Variants in EEF2K observed in about 807,000 individuals in gnomAD.
EEF2K encodes alternative protein EEF2K.
A neutral mutation model predicts 93.8 loss-of-function variants in EEF2K; 70 were observed. The ratio of observed to expected loss-of-function variants is 0.75; its 90% CI spans 0.62 to 0.91. The LOEUF is 0.91. Among genes scored for constraint, EEF2K ranks in the 40% least tolerant of loss-of-function variants. EEF2K has a pLI of 0.00. For synonymous variants in EEF2K, 376 were observed against 380.8 expected (o/e 0.99, Z 0.15); for missense variants, 935 against 972.9 (o/e 0.96, Z 0.52).
At chr16:22,271,069 A>T (rs2047576704) in intron 15 of EEF2K, among the ~76,000 whole-genome samples, 1 of 150,888 alleles carries the variant, frequency 6.6e-6, no homozygotes, top group Admixed American at 6.6e-5. Flanking sequence ...TCCCAGGTTC[A>T]AACGATTCTC....
At position 22,284,324 on chromosome 16, in the gene EEF2K, A is replaced by G. The variant is rs1468243503; in HGVS notation, c.*328A>G. On this transcript the variant is annotated 3_prime_UTR_variant, in exon 18 of 18. Transcript: ENST00000263026. Reference sequence around the variant, plus strand: ...GAGACAGAGTCTTGCTCTGTCACCCAGGCTGGAGTGCAGTGACATGATCTT... The same window carrying G: ...GAGACAGAGTCTTGCTCTGTCACCCGGGCTGGAGTGCAGTGACATGATCTT... 7.3e-6 allele frequency: 2 copies of G among 274,000 alleles called. No homozygotes were observed. Among genetic ancestry groups the G allele is most frequent in the Non-Finnish European group, 1.4e-5 (2 of 138,948 alleles). 17.0% of individuals were successfully genotyped at this position (274,000 alleles called of 1,614,324 possible).
At chr16:22,267,016 C>T in intron 15 of EEF2K, 140 bp downstream of exon 15, 4 of 1,094,810 alleles carry the variant, frequency 3.7e-6, no homozygotes, top group South Asian at 1.7e-5. Flanking sequence ...ATGTCCCAGG[C>T]ACTGGTTTGG....
intron 16 of EEF2K, among the ~76,000 whole-genome samples, chr16:22,275,765 C>T (rs2047628415): frequency 6.6e-6 from 1 of 151,586 alleles, no homozygotes; most frequent in Admixed American, 6.6e-5. Context: ...CTCAGCCTCC[C>T]CAGTAGCTGG....
At chr16:22,239,298 C>T (rs1375004669) in intron 2 of EEF2K, among the ~76,000 whole-genome samples, 4 of 152,100 alleles carry the variant, frequency 2.6e-5, no homozygotes, top group Non-Finnish European at 4.4e-5. Context: ...TGAATGGGGA[C>T]GGTCCCTGTT....
At chr16:22,217,022 A>G (rs1236460381) in intron 1 of EEF2K, among the ~76,000 whole-genome samples, 1 of 151,604 alleles carries the variant, frequency 6.6e-6, no homozygotes, top group African/African-American at 2.4e-5. Flanking sequence ...TTAGCTGGGT[A>G]TGGTGACGCG....
Position 22,250,661 on chromosome 16 carries a change from G to T in EEF2K, c.416G>T (p.Gly139Val), listed in dbSNP as rs866577287. 1.2e-6 allele frequency: 2 copies of T among 1,614,218 alleles called. No individual in the cohort carries two copies. Among genetic ancestry groups the T allele is most frequent in the Middle Eastern group, 1.6e-4 (1 of 6,062 alleles). ...VLIKMASQPFGRGAMRECFRT... is the reference protein window; with the variant it reads ...VLIKMASQPFVRGAMRECFRT... ...CTGTGTGGTGTCTTTCAGCCCTTCG[G>T]CCGAGGAGCAATGAGGGAGTGCTTC... The change falls in exon 5 of 18, where the codon GGC (glycine) becomes GTC (valine). Residue 139 changes from glycine (G) to valine (V), a missense_variant. Physicochemically the swap from Gly to Val is moderately radical, Grantham distance 109. Coordinates refer to ENST00000263026, the MANE Select transcript of EEF2K (RefSeq NM_013302.5).
At chr16:22,265,252 G>C (rs1387314022) in intron 13 of EEF2K, 2 of 185,972 alleles carry the variant, frequency 1.1e-5, no homozygotes, top group Non-Finnish European at 2.3e-5. Context: ...GAGAAAACTG[G>C]GCTCTTAAGC....
intron 15 of EEF2K, among the ~76,000 whole-genome samples, chr16:22,273,279 A>T (rs995962766): frequency 1.3e-5 from 2 of 152,232 alleles, no homozygotes; most frequent in Non-Finnish European, 2.9e-5. Flanking sequence ...TTATGAAGAC[A>T]TGTCTAGGGA....
chr16:22,226,122 G>C (rs2047061403), intron 2 of EEF2K, 147 bp downstream of exon 2: 1 of 1,234,284 alleles, frequency 8.1e-7, no homozygotes, highest in South Asian at 1.6e-5. Context: ...TTGTTAAGCA[G>C]GGAGGGTATT....
chr16:22,233,667 G>A (rs1245702174), intron 2 of EEF2K, among the ~76,000 whole-genome samples: 1 of 152,150 alleles, frequency 6.6e-6, no homozygotes, highest in African/African-American at 2.4e-5. Context: ...CTAGGCAACA[G>A]AGCGAGACCC....
chr16:22,242,790 C>T (rs1298404975), intron 2 of EEF2K, among the ~76,000 whole-genome samples: 1 of 152,028 alleles, frequency 6.6e-6, no homozygotes, highest in South Asian at 2.1e-4. Flanking sequence ...TCATGGGAAT[C>T]GTTTCATAAT....
At chr16:22,216,286 C>T (rs2046957146) in intron 1 of EEF2K, among the ~76,000 whole-genome samples, 1 of 152,198 alleles carries the variant, frequency 6.6e-6, no homozygotes, top group South Asian at 2.1e-4. Flanking sequence ...CTTAAGGTTG[C>T]CTTTTCAGAG....
chr16:22,232,276 G>C (rs1043312951), intron 2 of EEF2K, among the ~76,000 whole-genome samples: 3 of 152,052 alleles, frequency 2.0e-5, no homozygotes, highest in East Asian at 1.9e-4. Flanking sequence ...GCCCAGGCTG[G>C]AGTACAGTGG....
At chr16:22,239,091 T>TAAAA (rs10627624) in intron 2 of EEF2K, among the ~76,000 whole-genome samples, 85 of 147,120 alleles carry the variant, frequency 5.8e-4, no homozygotes, top group East Asian at 3.2e-3. Context: ...CTGTGCTTAT[T>TAAAA]AAAAAAAAAA....
chr16:22,250,539 G>T, intron 4 of EEF2K, 115 bp from the exon 5 acceptor site: 1 of 1,275,054 alleles, frequency 7.8e-7, no homozygotes, highest in Non-Finnish European at 1.1e-6. Context: ...TCAGGATTGA[G>T]ATGAGGCCCA....
chr16:22,227,850 G>T (rs368027826), intron 2 of EEF2K, among the ~76,000 whole-genome samples: 1 of 151,416 alleles, frequency 6.6e-6, no homozygotes, highest in African/African-American at 2.4e-5. Flanking sequence ...TAATCCCAGC[G>T]CTTTGGGAGG....
chr16:22,261,669 G>A (rs1299619067), intron 11 of EEF2K, among the ~76,000 whole-genome samples: 12 of 147,990 alleles, frequency 8.1e-5, no homozygotes, highest in East Asian at 2.0e-4. Flanking sequence ...CAACCTGGGC[G>A]ACAGAGCGAG....
intron 1 of EEF2K, among the ~76,000 whole-genome samples, chr16:22,220,013 A>G (rs953378382): frequency 6.6e-6 from 1 of 152,172 alleles, no homozygotes; most frequent in Non-Finnish European, 1.5e-5. Flanking sequence ...CATTGACTAA[A>G]ACTTGTTCAC....
At chr16:22,213,893 G>A (rs961509124) in intron 1 of EEF2K, among the ~76,000 whole-genome samples, 7 of 152,116 alleles carry the variant, frequency 4.6e-5, no homozygotes, top group East Asian at 3.9e-4. Context: ...GATAATCCAT[G>A]ACTGTCTCCC....
Sources: allele counts gnomAD v4.1 joint callset (sites outside exome capture counted in the v4.1 genomes callset), GRCh38; gene constraint gnomAD v4.1.1; transcripts MANE v1.5; gene names NCBI Gene and HGNC (gene_info 2026-07-23, HGNC 2026-07-21).